Variants in CAND2 observed in about 807,000 individuals in gnomAD.
The protein encoded by CAND2 is cullin associated and neddylation dissociated 2 (putative), also known as cullin-associated NEDD8-dissociated protein 2.
CAND2 carries 62 observed loss-of-function variants against 98.9 expected under a neutral mutation model. The ratio of observed to expected loss-of-function variants is 0.63; its 90% confidence interval spans 0.51 to 0.77. The LOEUF (loss-of-function observed/expected upper bound fraction) is 0.77. CAND2 is among the 30% of genes least tolerant of loss of function. CAND2 has a pLI of 0.00. For synonymous variants in CAND2, 770 were observed against 731.9 expected (o/e 1.05, Z -0.84); for missense variants, 1,501 against 1,655.2 (o/e 0.91, Z 1.62).
intron 13 of CAND2, among the ~76,000 whole-genome samples, chr3:12,827,982 CAAA>C (rs199943213): frequency 8.2e-6 from 1 of 121,448 alleles, no homozygotes; most frequent in African/African-American, 3.0e-5. Context: ...GACCCTGTCT[CAAA>C]AAAAAAAAAA....
At position 12,810,341 on chromosome 3, in the gene CAND2, C is replaced by T. The variant is rs991180841; in HGVS notation, c.757+17C>T. The T allele has an allele frequency of 3.5e-6, 5 of 1,424,472 alleles. No individual in the cohort carries two copies. Among genetic ancestry groups the T allele is most frequent in the Middle Eastern group, 2.5e-4 (1 of 3,978 alleles). 88.2% of individuals were successfully genotyped at this position (1,424,472 alleles called of 1,614,324 possible). A position where few individuals can be genotyped will look rare whatever the true frequency, so the allele number is the denominator to read the frequency against. ...ACCGCCTCGGTAAGGGGGCAGGGGG[C>T]GGGGCCTGGGCTGGCATGGTGGGCG... is the stretch of plus-strand genomic sequence containing the variant. On this transcript the variant is annotated intron_variant, in intron 5 of 14. Coordinates refer to ENST00000456430, the MANE Select transcript of CAND2 (RefSeq NM_001162499.2).
chr3:12,833,125 T>C (rs922099828), intron 14 of CAND2, among the ~76,000 whole-genome samples: 4 of 152,172 alleles, frequency 2.6e-5, no homozygotes, highest in South Asian at 2.1e-4. Context: ...ACCCACTGCA[T>C]TGAATTCTTT....
chr3:12,807,588 C>A, intron 3 of CAND2, 128 bp downstream of exon 3: 1 of 925,570 alleles, frequency 1.1e-6, no homozygotes, highest in Non-Finnish European at 1.6e-6. Context: ...GGTCACTCAG[C>A]TAGTAAGCAG....
intron 1 of CAND2, among the ~76,000 whole-genome samples, chr3:12,799,737 C>G (rs2061752978): frequency 6.6e-6 from 1 of 152,178 alleles, no homozygotes. Flanking sequence ...AGAAGATGCT[C>G]TGGTGGCCAG....
At chr3:12,797,245 C>T (rs2061733428) in intron 1 of CAND2, among the ~76,000 whole-genome samples, 1 of 150,468 alleles carries the variant, frequency 6.6e-6, no homozygotes, top group Non-Finnish European at 1.5e-5. Context: ...CCAGCACCTG[C>T]CTCTCCTCCG....
At chr3:12,806,067 C>T (rs905025035) in intron 2 of CAND2, among the ~76,000 whole-genome samples, 1 of 152,186 alleles carries the variant, frequency 6.6e-6, no homozygotes, top group Non-Finnish European at 1.5e-5. Context: ...CCATGGTGCA[C>T]ATGCCTGTAG....
chr3:12,805,919 C>A (rs1461127467), intron 2 of CAND2, among the ~76,000 whole-genome samples: 1 of 152,114 alleles, frequency 6.6e-6, no homozygotes, highest in Non-Finnish European at 1.5e-5. Flanking sequence ...GTTTTGATGA[C>A]CAAGGACCCC....
chr3:12,804,199 A>G (rs534445594), intron 2 of CAND2, among the ~76,000 whole-genome samples: 1 of 152,226 alleles, frequency 6.6e-6, no homozygotes, highest in South Asian at 2.1e-4. Flanking sequence ...CATGCCTGTA[A>G]TCCCAGCACT....
At chr3:12,812,428 C>T (rs1373668862) in intron 5 of CAND2, among the ~76,000 whole-genome samples, 23 of 106,662 alleles carry the variant, frequency 2.2e-4, no homozygotes, top group African/African-American at 7.1e-4. Flanking sequence ...GACGGAGTCT[C>T]GCTCTGTCGC....
At chr3:12,811,968 G>C (rs1032811730) in intron 5 of CAND2, among the ~76,000 whole-genome samples, 3 of 151,516 alleles carry the variant, frequency 2.0e-5, no homozygotes, top group Non-Finnish European at 4.4e-5. Flanking sequence ...CTGGAGTGTA[G>C]TGGCACGATC....
chr3:12,818,181 TG>T (rs113682862), intron 10 of CAND2, among the ~76,000 whole-genome samples: 3,342 of 151,794 alleles, frequency 0.022, 120 homozygotes, highest in African/African-American at 0.076. Context: ...CCCAGCACTT[TG>T]GGGAGGCTGA....
rs574811386 is a variant in CAND2 at position 12,815,925 on chromosome 3, G to A, written c.1358G>A (p.Arg453His). ...CTTAAAGATCGGAGCGTCAGAGCCCGCCAGGGATGCTTCAGCCTCCTCACC... is the reference window on the plus strand; with the variant it reads ...CTTAAAGATCGGAGCGTCAGAGCCCACCAGGGATGCTTCAGCCTCCTCACC... Reference protein sequence around the residue: ...RQLKDRSVRARQGCFSLLTEL... With the variant: ...RQLKDRSVRAHQGCFSLLTEL... Residue 453 changes from arginine (R) to histidine (H), a missense_variant, in exon 9 of 15, where the codon CGC (arginine) becomes CAC (histidine). Arg to His is a conservative substitution (Grantham distance 29). Transcript: ENST00000456430. The surrounding 1 kb of genome is among the most constrained non-coding windows in gnomAD (Gnocchi z 5.7). The A allele has an allele frequency of 3.1e-5, 50 of 1,613,776 alleles. No individual in the cohort carries two copies. The South Asian group carries it at 4.5e-4, about 15-fold the overall frequency.
intron 9 of CAND2, 50 bp from the exon 10 acceptor site, chr3:12,816,324 C>T (rs731646): frequency 0.5 from 772,826 of 1,531,144 alleles, 200,092 homozygotes; most frequent in Non-Finnish European, 0.54. Context: ...CAGGGAGGGC[C>T]GTGTTGCATC....
At position 12,810,253 on chromosome 3, in the gene CAND2, C is replaced by G; in HGVS notation, c.686C>G (p.Thr229Ser). 6.6e-7 allele frequency: 1 copy of G among 1,518,402 alleles called. No individual in the cohort carries two copies. The highest frequency in any genetic ancestry group is 2.7e-5 in the East Asian group (1 of 37,444). 94.1% of individuals were successfully genotyped at this position (1,518,402 alleles called of 1,614,324 possible). A position where few individuals can be genotyped will look rare whatever the true frequency, so the allele number is the denominator to read the frequency against. Residue 229 changes from threonine to serine, a missense_variant, in exon 5 of 15, where the codon ACC becomes AGC. By Grantham distance (58) the Thr-to-Ser change is moderately conservative. Coordinates refer to ENST00000456430, the MANE Select transcript of CAND2 (RefSeq NM_001162499.2). ...CGGCTGCCCGGCCCGCGGGTGCCCA[C>G]CAGCCCGACTGCCATCCGCACCCTG... ...LDRLPGPRVP[T>S]SPTAIRTLIQ...
At chr3:12,802,176 A>G (rs2061771328) in intron 1 of CAND2, among the ~76,000 whole-genome samples, 2 of 152,168 alleles carry the variant, frequency 1.3e-5, no homozygotes, top group African/African-American at 2.4e-5. Flanking sequence ...AAATACAAAA[A>G]ATTAGCCGGG....
rs1378594267 is a variant in CAND2, at chr3:12,820,158, A to AC, written c.3022dup (p.Leu1008ProfsTer45). 5 of 1,613,488 alleles carry AC rather than the reference A, an allele frequency of 3.1e-6. No individual in the cohort carries two copies. The highest frequency in any genetic ancestry group is 1.7e-4 in the Middle Eastern group (1 of 6,060). Reference sequence around the variant, plus strand: ...ATCTCGGACCAGCCCCATCCCATTGACCCCCTCCTGAAGAGCTTCATCGGT... The same window carrying AC: ...ATCTCGGACCAGCCCCATCCCATTGACCCCCCTCCTGAAGAGCTTCATCGGT... On this transcript the variant is annotated frameshift_variant, in exon 11 of 15. Transcript: ENST00000456430. LOFTEE classifies it high-confidence loss of function.
intron 4 of CAND2, among the ~76,000 whole-genome samples, chr3:12,808,648 T>C (rs933250129): frequency 6.6e-6 from 1 of 152,156 alleles, no homozygotes; most frequent in South Asian, 2.1e-4. Flanking sequence ...TGTATAAAAC[T>C]GTGAATGGAG....
At chr3:12,798,080 G>A (rs1245198385) in intron 1 of CAND2, among the ~76,000 whole-genome samples, 1 of 141,200 alleles carries the variant, frequency 7.1e-6, no homozygotes, top group Non-Finnish European at 1.5e-5. Context: ...TATAAAATGG[G>A]GATAACAGAA....
chr3:12,830,479 C>T (rs1169177550), intron 13 of CAND2, among the ~76,000 whole-genome samples: 1 of 152,190 alleles, frequency 6.6e-6, no homozygotes, highest in Non-Finnish European at 1.5e-5. Context: ...CCCAAAGCTC[C>T]ACCTTGTGGG....
Sources: allele counts gnomAD v4.1 joint callset (sites outside exome capture counted in the v4.1 genomes callset), GRCh38; gene constraint gnomAD v4.1.1; non-coding constraint Gnocchi (gnomAD v3.1); transcripts MANE v1.5; gene names NCBI Gene and HGNC (gene_info 2026-07-23, HGNC 2026-07-21).